Variants in ADCK5 observed in about 807,000 individuals in gnomAD.
ADCK5 encodes the protein aarF domain containing kinase 5.
A neutral mutation model predicts 64.9 loss-of-function variants in ADCK5; 43 were observed. The ratio of observed to expected loss-of-function variants is 0.66; its 90% CI spans 0.52 to 0.85. The LOEUF (loss-of-function observed/expected upper bound fraction) is 0.85. Ranked by LOEUF, ADCK5 falls within the 40% of genes least tolerant of loss-of-function variation. ADCK5 has a pLI of 0.00. For synonymous variants in ADCK5, 434 were observed against 342.8 expected, an observed-to-expected ratio of 1.27 and a Z score of -2.94; for missense variants, 760 against 810.5, an observed-to-expected ratio of 0.94 and a Z score of 0.76.
intron 3 of ADCK5, 126 bp from the exon 4 acceptor site, chr8:144,390,545 G>A (rs1820166294): frequency 2.0e-6 from 2 of 1,003,338 alleles, no homozygotes; most frequent in African/African-American, 1.6e-5. Flanking sequence ...ACCCTGGCTT[G>A]GCCTCACCCT....
intron 4 of ADCK5, 24 bp downstream of exon 4, chr8:144,390,770 A>G: frequency 6.2e-7 from 1 of 1,612,176 alleles, no homozygotes; most frequent in Non-Finnish European, 8.5e-7. Context: ...CCCTGGGCAC[A>G]CAGTGGTGGG....
intron 1 of ADCK5, among the ~76,000 whole-genome samples, chr8:144,374,532 C>T (rs782329964): frequency 1.3e-5 from 2 of 152,152 alleles, no homozygotes; most frequent in Non-Finnish European, 2.9e-5. Context: ...AGGGGCCCCT[C>T]CGCCCAGCCC....
chr8:144,392,188 G>C lies in ADCK5; in HGVS notation c.1175+18G>C. 3 of 1,551,758 alleles carry C rather than the reference G, an allele frequency of 1.9e-6. No individual in the cohort carries two copies. Among genetic ancestry groups the C allele is most frequent in the Non-Finnish European group, 2.6e-6 (3 of 1,152,224 alleles). Reference sequence around the variant, plus strand: ...GAGGAGAAGTGAGCGCGGGTGGGTGGGCGTGGGGCAGGGCAAGCCTCTCCT... The same window carrying C: ...GAGGAGAAGTGAGCGCGGGTGGGTGCGCGTGGGGCAGGGCAAGCCTCTCCT... On this transcript the variant is annotated intron_variant, in intron 11 of 14. Transcript: ENST00000308860.
At chr8:144,388,682 G>A (rs947390324) in intron 3 of ADCK5, among the ~76,000 whole-genome samples, 1 of 150,878 alleles carries the variant, frequency 6.6e-6, no homozygotes, top group Non-Finnish European at 1.5e-5. Flanking sequence ...GGAGAACGGC[G>A]TGAACCTGGG....
Position 144,391,628 on chromosome 8 carries a change from C to T in ADCK5, c.847C>T (p.Arg283Cys), listed in dbSNP as rs1820234113. 1 of 1,562,904 alleles carries T rather than the reference C, an allele frequency of 6.4e-7. No individual in the cohort carries two copies. Among genetic ancestry groups the T allele is most frequent in the East Asian group, 2.3e-5 (1 of 42,870 alleles). Residue 283 changes from arginine (R) to cysteine (C), a missense_variant, in exon 8 of 15, where the codon CGC (arginine) becomes TGC (cysteine). Physicochemically the swap from Arg to Cys is radical, Grantham distance 180 (BLOSUM62 -3). Coordinates refer to ENST00000308860, the MANE Select transcript of ADCK5 (RefSeq NM_174922.5). Reference protein sequence around the residue: ...AQELDFENEGRNAERCARELA... With the variant: ...AQELDFENEGCNAERCARELA... The stretch of plus-strand genomic sequence containing the variant: ...GGAGCTGGACTTCGAGAATGAGGGC[C>T]GCAACGCAGAGCGCTGTGCGCGGGA...
intron 3 of ADCK5, among the ~76,000 whole-genome samples, chr8:144,387,393 AGTTT>A (rs1390907335): frequency 1.3e-5 from 2 of 151,974 alleles, no homozygotes; most frequent in Non-Finnish European, 2.9e-5. Context: ...TCCACCCAGC[AGTTT>A]GTTTGTTTCT....
At chr8:144,393,241 AAT>A in exon 15 of ADCK5, 3 of 1,417,788 alleles carry the variant, frequency 2.1e-6, no homozygotes, top group South Asian at 1.5e-5. Flanking sequence ...TCAAGCAAAA[AAT>A]GTTTTTCCTT....
Position 144,391,952 on chromosome 8 carries a change from G to A in ADCK5, c.1026G>A (p.Lys342=), listed in dbSNP as rs567968893. ...QGLAVHDIAE[K]LIKAFAEQIF... ...TCTCCTCTCCCCAGATAGCAGAAAA[G>A]CTCATCAAGGCCTTTGCTGAGCAGA... Residue 342 remains lysine, a synonymous_variant, in exon 10 of 15, where the codon AAG becomes AAA. Coordinates refer to ENST00000308860, the MANE Select transcript of ADCK5 (RefSeq NM_174922.5). 3 of 1,612,688 alleles carry A rather than the reference G, an allele frequency of 1.9e-6. No individual in the cohort carries two copies. Among genetic ancestry groups the A allele is most frequent in the East Asian group, 4.5e-5 (2 of 44,868 alleles).
intron 3 of ADCK5, 130 bp downstream of exon 3, chr8:144,383,360 GA>G (rs1819766472): frequency 7.5e-7 from 1 of 1,326,998 alleles, no homozygotes; most frequent in Non-Finnish European, 1.0e-6. Flanking sequence ...GCTTGCTGAG[GA>G]TTTTACAGCT....
At chr8:144,380,989 G>A (rs1416441050) in intron 2 of ADCK5, among the ~76,000 whole-genome samples, 1 of 151,134 alleles carries the variant, frequency 6.6e-6, no homozygotes, top group Non-Finnish European at 1.5e-5. Context: ...AGGATTATGG[G>A]CTGGGTGTAG....
Position 144,389,379 on chromosome 8 carries a change from C to G in ADCK5, c.267-1292C>G, listed in dbSNP as rs1471244251. 4 of 456,256 alleles carry G rather than the reference C, an allele frequency of 8.8e-6. No homozygotes were observed. The East Asian group carries it at 2.8e-4, about 32-fold the overall frequency. The allele number at this position is 456,256 out of a possible 1,614,324, so 28.3% of individuals were successfully genotyped here. On this transcript the variant is annotated intron_variant, in intron 3 of 14. Transcript: ENST00000308860. ...GTGACCTCTGCTGCCTCAGCCCTGC[C>G]CCCTTGCTGCCATCCTTTACCTTCA...
At position 144,379,452 on chromosome 8, in the gene ADCK5, T is replaced by C. The variant is rs782564884; in HGVS notation, c.78T>C (p.Ala26=). 6.2e-7 allele frequency: 1 copy of C among 1,610,262 alleles called. No homozygotes were observed. Among genetic ancestry groups the C allele is most frequent in the South Asian group, 1.1e-5 (1 of 90,552 alleles). ...HSRQKPWPSP[A]VFFRRNVRGL... ...GGCAGAAGCCCTGGCCGTCCCCTGC[T>C]GTGTTCTTCAGGAGAAACGTCAGGG... The change falls in exon 2 of 15, where the codon GCT becomes GCC. Residue 26 remains alanine, a synonymous_variant. Coordinates refer to ENST00000308860, the MANE Select transcript of ADCK5 (RefSeq NM_174922.5).
intron 3 of ADCK5, chr8:144,389,321 G>A (rs1204304111): frequency 4.4e-6 from 2 of 456,444 alleles, no homozygotes; most frequent in East Asian, 6.9e-5. Context: ...TCTTCCTAGT[G>A]GACCTCAGGC....
At chr8:144,381,242 C>T (rs1367706653) in intron 2 of ADCK5, among the ~76,000 whole-genome samples, 39 of 85,794 alleles carry the variant, frequency 4.5e-4, no homozygotes, top group East Asian at 2.5e-3. Flanking sequence ...AGGCACCTGC[C>T]GCACTCAGGA....
chr8:144,376,171 G>T lies in ADCK5; in HGVS notation c.12+2064G>T, dbSNP rs1172799959. 1.3e-5 allele frequency among the ~76,000 whole-genome samples: 2 copies of T among 152,220 alleles called. No individual in the cohort carries two copies. The highest frequency in any genetic ancestry group is 3.8e-4 in the East Asian group (2 of 5,196). ...TCATGGGCCCTGGCAGGCACTGTGG[G>T]TTATCAGTGCCTGTTGCTTGGCAGG... On this transcript the variant is annotated intron_variant, in intron 1 of 14. Transcript: ENST00000308860. The surrounding 1 kb of genome is among the most constrained non-coding windows in gnomAD (Gnocchi z 5.1).
chr8:144,386,753 G>C (rs186602720), intron 3 of ADCK5, among the ~76,000 whole-genome samples: 1 of 152,142 alleles, frequency 6.6e-6, no homozygotes, highest in Non-Finnish European at 1.5e-5. Context: ...TTCCAGCCCC[G>C]GTCCTCCCGC....
At chr8:144,382,321 C>T (rs1184754211) in intron 2 of ADCK5, among the ~76,000 whole-genome samples, 4 of 152,250 alleles carry the variant, frequency 2.6e-5, no homozygotes, top group Non-Finnish European at 5.9e-5. Flanking sequence ...CAGGCACCTC[C>T]CGCACTCAGC....
intron 14 of ADCK5, 34 bp downstream of exon 14, chr8:144,392,926 C>T (rs1820387567): frequency 6.3e-7 from 1 of 1,588,842 alleles, no homozygotes. Flanking sequence ...GTGGCGGGGG[C>T]CTGCTCCCCA....
At position 144,377,974 on chromosome 8, in the gene ADCK5, G is replaced by C. The variant is rs1417496086; in HGVS notation, c.13-1413G>C. On this transcript the variant is annotated intron_variant, in intron 1 of 14. Coordinates refer to ENST00000308860, the MANE Select transcript of ADCK5 (RefSeq NM_174922.5). ...GTCAGGGTGCTGCCAAGAGAGTGCA[G>C]GGGCAGGGATGGGGTGGGTCCCATC... Among the ~76,000 whole-genome samples the C allele has an allele frequency of 2.0e-5, 3 of 152,214 alleles. No individual in the cohort carries two copies. The East Asian group carries it at 5.8e-4, about 29-fold the overall frequency.
Sources: allele counts gnomAD v4.1 joint callset (sites outside exome capture counted in the v4.1 genomes callset), GRCh38; gene constraint gnomAD v4.1.1; non-coding constraint Gnocchi (gnomAD v3.1); transcripts MANE v1.5; gene names NCBI Gene and HGNC (gene_info 2026-07-23, HGNC 2026-07-21).